ASAP2: variants seen among roughly 807,000 people sequenced by gnomAD.
The protein encoded by ASAP2 is arf-GAP with SH3 domain, ANK repeat and PH domain-containing protein 2.
Under a neutral mutation model 131.4 loss-of-function variants are expected in ASAP2, and 45 were observed. That is an observed-to-expected ratio of 0.34 (90% CI 0.27 to 0.44). The LOEUF (loss-of-function observed/expected upper bound fraction) is 0.44, where lower values mean the gene tolerates loss of function less well. ASAP2 is among the 20% of genes least tolerant of loss of function. ASAP2 has a pLI of 1.00. For missense variants in ASAP2, 1,011 were observed against 1,297.0 expected (o/e 0.78, Z 3.39); for synonymous variants, 510 against 503.0 (o/e 1.01, Z -0.19).
chr2:9,262,892 C>T (rs948327918), intron 1 of ASAP2, among the ~76,000 whole-genome samples: 6 of 152,198 alleles, frequency 3.9e-5, no homozygotes, highest in Admixed American at 2.0e-4. Context: ...AAAGAAAACT[C>T]GGCTATCTTA....
chr2:9,380,704 T>G (rs1243701431), intron 19 of ASAP2, 37 bp from the exon 20 acceptor site: 2 of 1,606,728 alleles, frequency 1.2e-6, no homozygotes, highest in Non-Finnish European at 1.7e-6. Context: ...TGCTGGGTTT[T>G]GCCTTAACGC....
chr2:9,271,642 T>G, intron 1 of ASAP2: 1 of 891,192 alleles, frequency 1.1e-6, no homozygotes, highest in South Asian at 2.2e-5. Flanking sequence ...ATCCAATTTC[T>G]TTTTCTCGGT....
At chr2:9,234,481 A>G (rs1387353895) in intron 1 of ASAP2, among the ~76,000 whole-genome samples, 30 of 152,142 alleles carry the variant, frequency 2.0e-4, no homozygotes, top group Admixed American at 1.9e-3. Context: ...GGCCTTGATA[A>G]TAGGAGGAGC....
chr2:9,333,862 T>C (rs1043037451), intron 7 of ASAP2, among the ~76,000 whole-genome samples: 5 of 152,104 alleles, frequency 3.3e-5, no homozygotes, highest in Admixed American at 3.3e-4. Context: ...GAATCACTTG[T>C]TATAGGTGAC....
chr2:9,270,688 T>G (rs1487992377), intron 1 of ASAP2, among the ~76,000 whole-genome samples: 4 of 152,028 alleles, frequency 2.6e-5, no homozygotes, highest in Non-Finnish European at 5.9e-5. Context: ...CCTATATTTT[T>G]GTACCCATTT....
intron 1 of ASAP2, among the ~76,000 whole-genome samples, chr2:9,242,095 G>A (rs960623145): frequency 1.3e-5 from 2 of 152,174 alleles, no homozygotes; most frequent in South Asian, 2.1e-4. Context: ...ACAGGCGTTC[G>A]TTGTGTTTGC....
intron 16 of ASAP2, among the ~76,000 whole-genome samples, chr2:9,368,955 G>T (rs1673704453): frequency 1.3e-5 from 2 of 151,652 alleles, no homozygotes; most frequent in Non-Finnish European, 2.9e-5. Flanking sequence ...TGTGGAATGT[G>T]TTACTTCCTT....
At chr2:9,214,362 C>T (rs1661836326) in intron 1 of ASAP2, among the ~76,000 whole-genome samples, 1 of 152,098 alleles carries the variant, frequency 6.6e-6, no homozygotes, top group Non-Finnish European at 1.5e-5. Flanking sequence ...GCCTCAGCCT[C>T]CTGAGCAGCT....
chr2:9,286,868 G>T (rs1667502095), intron 2 of ASAP2, among the ~76,000 whole-genome samples: 1 of 152,314 alleles, frequency 6.6e-6, no homozygotes, highest in African/African-American at 2.4e-5. Flanking sequence ...GATGATAAAT[G>T]ATGATAAAGA....
Position 9,293,996 on chromosome 2 carries a change from ATTT to A in ASAP2, c.200-3287_200-3285del, listed in dbSNP as rs557969541. On this transcript the variant is annotated intron_variant, in intron 2 of 27. Coordinates refer to ENST00000281419, the MANE Select transcript of ASAP2 (RefSeq NM_003887.3). Reference sequence around the variant, plus strand: ...GTTTAGAAGATGTATAAGGACAAGAATTTTTTTTTTTTTTTTTTTGAGAATAGA... The same window carrying A: ...GTTTAGAAGATGTATAAGGACAAGAATTTTTTTTTTTTTTTTGAGAATAGA... Among the ~76,000 whole-genome samples the A allele has an allele frequency of 7.2e-3, 1,002 of 139,548 alleles. 6 individuals are homozygous for A. The highest frequency in any genetic ancestry group is 0.01 in the Non-Finnish European group (657 of 64,046). The allele number at this position is 139,548 out of a possible 152,430, so 91.5% of individuals were successfully genotyped here.
At position 9,268,609 on chromosome 2, in the gene ASAP2, A is replaced by G. The variant is rs1666107652; in HGVS notation, c.127-10708A>G. Among the ~76,000 whole-genome samples the G allele has an allele frequency of 6.6e-6, 1 of 152,186 alleles. No individual in the cohort carries two copies. Among genetic ancestry groups the G allele is most frequent in the South Asian group, 2.1e-4 (1 of 4,828 alleles). ...ATTAATGCTCTCTGTTACTTTCTGA[A>G]GAGTCGAATGCGTGGTGAGACAAAG... On this transcript the variant is annotated intron_variant, in intron 1 of 27. Transcript: ENST00000281419. This position sits in a 1 kb window ranked among gnomAD's most constrained non-coding sequence, Gnocchi z 4.1.
In ASAP2 at chr2:9,207,939, A is replaced by G. The variant is rs1425302218; in HGVS notation, c.126+709A>G. ...GCCTGGTTTTAGTAAAGTGCTCTCA[A>G]GGTGCAAAGTCATCACGCCTAGCTG... On this transcript the variant is annotated intron_variant, in intron 1 of 27. Transcript: ENST00000281419. This position sits in a 1 kb window ranked among gnomAD's most constrained non-coding sequence, Gnocchi z 4.1. Among the ~76,000 whole-genome samples, 3 of 152,170 alleles carry G rather than the reference A, an allele frequency of 2.0e-5. No homozygotes were observed. Among genetic ancestry groups the G allele is most frequent in the Non-Finnish European group, 2.9e-5 (2 of 68,026 alleles).
chr2:9,373,976 C>T (rs891048871), intron 16 of ASAP2, among the ~76,000 whole-genome samples: 3 of 152,214 alleles, frequency 2.0e-5, no homozygotes, highest in South Asian at 2.1e-4. Context: ...ACATACGTCT[C>T]ATGGTGCTAC....
intron 24 of ASAP2, among the ~76,000 whole-genome samples, chr2:9,397,750 A>ATATATATATATTT (rs1343127000): frequency 6.7e-5 from 3 of 44,810 alleles, no homozygotes; most frequent in African/African-American, 3.4e-4. Flanking sequence ...ATATATATAT[A>ATATATATATATTT]TTTTTTTTTT....
In ASAP2 at chr2:9,350,888, C is replaced by T. The variant is rs4669385; in HGVS notation, c.1104C>T (p.Leu368=). 0.98 allele frequency: 1,572,041 copies of T among 1,608,066 alleles called. 771,497 individuals are homozygous for T. The highest frequency in any genetic ancestry group is 1 in the Non-Finnish European group (1,175,099 of 1,176,246). The change falls in exon 12 of 28, where the codon CTC becomes CTT. Residue 368 remains leucine, a synonymous_variant. Transcript: ENST00000281419. ...TNPEEKKCFD[L]ISHDRTYHFQ... is the part of the protein sequence containing the mutation. ...CTGAGGAGAAGAAGTGCTTTGACCT[C>T]ATTTCACGTAAGGCTCCCTCTGAGA...
At chr2:9,381,305 C>G (rs2148743640) in intron 20 of ASAP2, among the ~76,000 whole-genome samples, 1 of 152,364 alleles carries the variant, frequency 6.6e-6, no homozygotes, top group African/African-American at 2.4e-5. Flanking sequence ...GCCGGGGGCT[C>G]CCCAGCTTGG....
rs571743610 is a variant in ASAP2, at chr2:9,314,352, A to G, written c.346-4172A>G. ...CTCAATAAATCACTTGAATGAATGA[A>G]TTCACACATGCATTTGCTATATTAT... On this transcript the variant is annotated intron_variant, in intron 3 of 27. Coordinates refer to ENST00000281419, the MANE Select transcript of ASAP2 (RefSeq NM_003887.3). Among the ~76,000 whole-genome samples, 11 of 152,336 alleles carry G rather than the reference A, an allele frequency of 7.2e-5. No individual in the cohort carries two copies. The East Asian group carries it at 2.1e-3, about 29-fold the overall frequency.
At chr2:9,291,569 C>T (rs999618419) in intron 2 of ASAP2, among the ~76,000 whole-genome samples, 1 of 152,186 alleles carries the variant, frequency 6.6e-6, no homozygotes, top group African/African-American at 2.4e-5. Context: ...GAGTAGTAAT[C>T]GTCATGTCAT....
chr2:9,334,881 C>G, intron 8 of ASAP2, 68 bp downstream of exon 8: 1 of 1,526,808 alleles, frequency 6.5e-7, no homozygotes, highest in Non-Finnish European at 9.1e-7. Flanking sequence ...ATCTAAATGT[C>G]ACTTCTGTGT....
Sources: allele counts gnomAD v4.1 joint callset (sites outside exome capture counted in the v4.1 genomes callset), GRCh38; gene constraint gnomAD v4.1.1; non-coding constraint Gnocchi (gnomAD v3.1); transcripts MANE v1.5; gene names NCBI Gene and HGNC (gene_info 2026-07-23, HGNC 2026-07-21).